DSCAML1: variants seen among roughly 807,000 people sequenced by gnomAD.
DSCAML1 encodes cell adhesion molecule DSCAML1.
Under a neutral mutation model 200.5 loss-of-function variants are expected in DSCAML1, and 38 were observed. The observed-to-expected ratio is 0.19, with a 90% CI of 0.15 to 0.25. DSCAML1 has a LOEUF of 0.25. DSCAML1 is among the 10% of genes least tolerant of loss of function. DSCAML1 has a pLI of 1.00. For missense variants in DSCAML1, 2,223 were observed against 2,858.8 expected, an observed-to-expected ratio of 0.78 and a Z score of 5.07; for synonymous variants, 1,215 against 1,165.0, an observed-to-expected ratio of 1.04 and a Z score of -0.87.
intron 3 of DSCAML1, among the ~76,000 whole-genome samples, chr11:117,594,714 C>T (rs2051327059): frequency 6.6e-6 from 1 of 152,192 alleles, no homozygotes; most frequent in Non-Finnish European, 1.5e-5. Context: ...TACTCAGGCT[C>T]CTCCCTGGTG....
intron 3 of DSCAML1, among the ~76,000 whole-genome samples, chr11:117,585,086 T>C (rs1217658662): frequency 1.3e-5 from 2 of 152,204 alleles, no homozygotes; most frequent in African/African-American, 4.8e-5. Context: ...TTGTAAATAT[T>C]ATCTCCCAGG....
chr11:117,562,158 G>A (rs2050675192), intron 3 of DSCAML1, among the ~76,000 whole-genome samples: 1 of 152,200 alleles, frequency 6.6e-6, no homozygotes, highest in Non-Finnish European at 1.5e-5. Context: ...CCAGCACTGA[G>A]GGCCAGCTGC....
chr11:117,528,926 C>T (rs1397422503), intron 4 of DSCAML1, among the ~76,000 whole-genome samples: 1 of 136,938 alleles, frequency 7.3e-6, no homozygotes, highest in Non-Finnish European at 1.5e-5. Flanking sequence ...AAAGTTGCCG[C>T]CCCCCGCCCC....
At chr11:117,656,866 T>C (rs1224237715) in intron 3 of DSCAML1, among the ~76,000 whole-genome samples, 1 of 152,220 alleles carries the variant, frequency 6.6e-6, no homozygotes, top group African/African-American at 2.4e-5. Flanking sequence ...CAGGCACCCC[T>C]GAGGAACTGG....
intron 3 of DSCAML1, among the ~76,000 whole-genome samples, chr11:117,771,846 G>T (rs1465071795): frequency 6.6e-6 from 1 of 152,156 alleles, no homozygotes; most frequent in Non-Finnish European, 1.5e-5. Flanking sequence ...TAACCCAAAA[G>T]AGGTCTCCAT....
At chr11:117,557,984 G>A (rs1018033527) in intron 3 of DSCAML1, among the ~76,000 whole-genome samples, 2 of 152,104 alleles carry the variant, frequency 1.3e-5, no homozygotes, top group African/African-American at 2.4e-5. Flanking sequence ...CTACAAGCCC[G>A]GGATAGCAAC....
intron 3 of DSCAML1, among the ~76,000 whole-genome samples, chr11:117,585,911 A>C (rs2051132770): frequency 6.6e-6 from 1 of 152,176 alleles, no homozygotes. Flanking sequence ...TGCGCCTTGC[A>C]CTGACTGTCC....
intron 3 of DSCAML1, among the ~76,000 whole-genome samples, chr11:117,547,483 ACCC>A (rs2050395321): frequency 1.1e-5 from 1 of 87,384 alleles, no homozygotes; most frequent in Non-Finnish European, 2.7e-5. Context: ...ACCGCCCTAC[ACCC>A]TACACCGCCA....
intron 1 of DSCAML1, among the ~76,000 whole-genome samples, chr11:117,796,773 G>A (rs937628393): frequency 3.2e-4 from 48 of 152,320 alleles, no homozygotes; most frequent in Middle Eastern, 3.4e-3. Flanking sequence ...AGGGAGCAGG[G>A]AGATGAGGGG....
At chr11:117,701,572 G>A (rs111921895) in intron 3 of DSCAML1, among the ~76,000 whole-genome samples, 3 of 152,184 alleles carry the variant, frequency 2.0e-5, no homozygotes, top group South Asian at 2.1e-4. Flanking sequence ...GAAGAGCCAC[G>A]AGGGCTGTGC....
In DSCAML1 at chr11:117,657,293, G is replaced by A. The variant is rs556101677; in HGVS notation, c.511+119498C>T. On this transcript the variant is annotated intron_variant, in intron 3 of 32. Coordinates refer to ENST00000651296, the MANE Select transcript of DSCAML1 (RefSeq NM_020693.4). ...TCCTGAGAAAGAAACAAAGAAAAAT[G>A]AGCCAGCCAGAGAGAGCCTTGAGTC... Among the ~76,000 whole-genome samples, 17 of 152,276 alleles carry A rather than the reference G, an allele frequency of 1.1e-4. No individual in the cohort carries two copies. In the South Asian group the frequency reaches 3.5e-3, roughly 32 times the overall value.
At chr11:117,659,603 G>T (rs970072594) in intron 3 of DSCAML1, among the ~76,000 whole-genome samples, 1 of 152,202 alleles carries the variant, frequency 6.6e-6, no homozygotes, top group African/African-American at 2.4e-5. Flanking sequence ...ACCCCTAGGG[G>T]AGGTGGAGGA....
chr11:117,803,192 G>A (rs1003831092), intron 1 of DSCAML1, among the ~76,000 whole-genome samples: 11 of 152,048 alleles, frequency 7.2e-5, no homozygotes, highest in Non-Finnish European at 1.3e-4. Flanking sequence ...AGCTCACTGC[G>A]CTTTGTGACA....
chr11:117,606,589 T>A (rs1164616313), intron 3 of DSCAML1, among the ~76,000 whole-genome samples: 1 of 152,176 alleles, frequency 6.6e-6, no homozygotes, highest in Non-Finnish European at 1.5e-5. Flanking sequence ...CTTAGATACA[T>A]CCATTTTTCA....
rs979889063 is a variant in DSCAML1 at position 117,585,403 on chromosome 11, C to T, written c.512-52881G>A. On this transcript the variant is annotated intron_variant, in intron 3 of 32. Transcript: ENST00000651296. Reference sequence around the variant, plus strand: ...TAGCTGGGACTACAGGCGCCCACCACCACGCCCAGCTAACTTTTGTATATT... The same window carrying T: ...TAGCTGGGACTACAGGCGCCCACCATCACGCCCAGCTAACTTTTGTATATT... Among the ~76,000 whole-genome samples the T allele has an allele frequency of 3.9e-5, 6 of 152,074 alleles. No homozygotes were observed. In the South Asian group the frequency reaches 6.2e-4, roughly 16 times the overall value.
At chr11:117,755,423 C>G (rs1012322079) in intron 3 of DSCAML1, among the ~76,000 whole-genome samples, 2 of 152,114 alleles carry the variant, frequency 1.3e-5, no homozygotes, top group African/African-American at 4.8e-5. Context: ...TATCAGCATC[C>G]CCATTTTCTA....
chr11:117,461,079 G>C (rs2048472253), intron 18 of DSCAML1, among the ~76,000 whole-genome samples: 1 of 151,752 alleles, frequency 6.6e-6, no homozygotes, highest in African/African-American at 2.4e-5. Flanking sequence ...ACTGAAACTA[G>C]AAAAGCCAAT....
intron 3 of DSCAML1, among the ~76,000 whole-genome samples, chr11:117,675,489 T>A (rs1341531830): frequency 1.3e-5 from 2 of 148,704 alleles, no homozygotes; most frequent in Non-Finnish European, 3.0e-5. Context: ...TTTTTTTTTT[T>A]TTTTTTTTTT....
Position 117,687,426 on chromosome 11 carries a change from A to ATTTTAATTT in DSCAML1, c.511+89364_511+89365insAAATTAAAA, listed in dbSNP as rs552784985. 1.2e-3 allele frequency among the ~76,000 whole-genome samples: 114 copies of ATTTTAATTT among 97,658 alleles called. 3 individuals are homozygous for ATTTTAATTT. The highest frequency in any genetic ancestry group is 6.5e-3 in the Middle Eastern group (1 of 154). 64.1% of individuals were successfully genotyped at this position (97,658 alleles called of 152,430 possible). A position where few individuals can be genotyped will look rare whatever the true frequency, so the allele number is the denominator to read the frequency against. ...CAGGTGTGCTCCACCATGCCTGGCTATTTTTTTTTTTTTTTTTTTTTTAGA... is the reference window on the plus strand; with the variant it reads ...CAGGTGTGCTCCACCATGCCTGGCTATTTTAATTTTTTTTTTTTTTTTTTTTTTTTTAGA... On this transcript the variant is annotated intron_variant, in intron 3 of 32. Transcript: ENST00000651296.
Sources: gnomAD v4.1 joint callset for allele counts (sites outside exome capture counted in the v4.1 genomes callset) on GRCh38, gnomAD v4.1.1 for gene constraint, MANE v1.5 for transcripts, NCBI Gene and HGNC (gene_info 2026-07-23, HGNC 2026-07-21) for gene names.